CEP85: variants seen among roughly 807,000 people sequenced by gnomAD.
The protein encoded by CEP85 is centrosomal protein 85, also known as centrosomal protein of 85 kDa.
CEP85 carries 58 observed loss-of-function variants against 93.7 expected under a neutral mutation model. The observed-to-expected ratio is 0.62, with a 90% confidence interval of 0.50 to 0.77. The LOEUF (loss-of-function observed/expected upper bound fraction) is 0.77. Among genes scored for constraint, CEP85 ranks in the 30% least tolerant of loss-of-function variants. The pLI, the probability that CEP85 is intolerant of heterozygous loss-of-function variation, is 0.00. For synonymous variants in CEP85, 314 were observed against 338.6 expected (o/e 0.93, Z 0.80); for missense variants, 868 against 922.0 (o/e 0.94, Z 0.76).
rs148974720 is a variant in CEP85 at position 26,255,564 on chromosome 1, C to G, written c.602C>G (p.Pro201Arg). ...ATGATGGAGACACTTTATTCAGATCCTCACCACCGAGTCCGCTTCCACAAC... is the reference window on the plus strand; with the variant it reads ...ATGATGGAGACACTTTATTCAGATCGTCACCACCGAGTCCGCTTCCACAAC... The part of the protein sequence containing the change: ...SAMMETLYSD[P>R]HHRVRFHNPR... Residue 201 changes from proline to arginine, a missense_variant, in exon 4 of 14, where the codon CCT (proline) becomes CGT (arginine). By Grantham distance (103) the Pro-to-Arg change is moderately radical. Transcript: ENST00000451429. 1 of 1,614,020 alleles carries G rather than the reference C, an allele frequency of 6.2e-7. No homozygotes were observed. Among genetic ancestry groups the G allele is most frequent in the African/African-American group, 1.3e-5 (1 of 74,902 alleles).
intron 7 of CEP85, among the ~76,000 whole-genome samples, chr1:26,265,058 A>T (rs1570027083): frequency 1.5e-5 from 2 of 130,458 alleles, no homozygotes; most frequent in Non-Finnish European, 3.1e-5. Flanking sequence ...GATCTTGGCC[A>T]CTGCAGCCTC....
intron 7 of CEP85, among the ~76,000 whole-genome samples, chr1:26,265,638 A>G (rs189497971): frequency 1.3e-5 from 2 of 152,302 alleles, no homozygotes; most frequent in Admixed American, 1.3e-4. Context: ...TTGCCTCCAT[A>G]GTGAGCTGAT....
intron 9 of CEP85, among the ~76,000 whole-genome samples, chr1:26,270,616 G>C (rs2089959975): frequency 6.6e-6 from 1 of 152,224 alleles, no homozygotes; most frequent in South Asian, 2.1e-4. Context: ...AGTCAGAAGT[G>C]GGGTTAGAGG....
chr1:26,255,161 C>T lies in CEP85; in HGVS notation c.209-10C>T, dbSNP rs769645420. 1.2e-6 allele frequency: 2 copies of T among 1,609,048 alleles called. No homozygotes were observed. Among genetic ancestry groups the T allele is most frequent in the East Asian group, 2.2e-5 (1 of 44,796 alleles). On this transcript the variant is annotated splice_polypyrimidine_tract_variant and intron_variant, in intron 3 of 13. Transcript: ENST00000451429. ...CAATTTTTACTTATGGAAGACTATT[C>T]TCTCCCCAGATTTTTGCAGCTCAAG...
chr1:26,267,437 G>T (rs1423155729), intron 7 of CEP85, among the ~76,000 whole-genome samples: 1 of 152,090 alleles, frequency 6.6e-6, no homozygotes, highest in East Asian at 1.9e-4. Context: ...GGTGGCGGGT[G>T]CCTGTAATCC....
chr1:26,259,730 C>T lies in CEP85; in HGVS notation c.1269C>T (p.Val423=). ...EKKLSASEVE[V]QLIRESLKVA... ...AACTCTCTGCTTCTGAAGTTGAAGT[C>T]CAGCTCATCAGAGAGTCGCTCAAAG... is the stretch of plus-strand genomic sequence containing the variant. Residue 423 remains valine (V), a synonymous_variant, in exon 7 of 14, where the codon GTC becomes GTT. Coordinates refer to ENST00000451429, the MANE Select transcript of CEP85 (RefSeq NM_001319944.2). 1 of 1,614,030 alleles carries T rather than the reference C, an allele frequency of 6.2e-7. No homozygotes were observed. Among genetic ancestry groups the T allele is most frequent in the Non-Finnish European group, 8.5e-7 (1 of 1,179,962 alleles).
chr1:26,269,782 C>CT (rs748230113), intron 9 of CEP85, among the ~76,000 whole-genome samples, 168 bp downstream of exon 9: 1,052 of 84,654 alleles, frequency 0.012, 89 homozygotes, highest in Middle Eastern at 0.026. Context: ...TGGGAAGCGG[C>CT]TTTTTTTTTT....
chr1:26,254,542 C>T (rs2089667579), intron 3 of CEP85: 1 of 152,904 alleles, frequency 6.5e-6, no homozygotes, highest in African/African-American at 2.4e-5. Flanking sequence ...AGAGTGAAAC[C>T]TGAGAGTTAC....
chr1:26,270,751 T>C (rs779275842), intron 9 of CEP85, among the ~76,000 whole-genome samples: 8 of 152,210 alleles, frequency 5.3e-5, no homozygotes, highest in Non-Finnish European at 8.8e-5. Context: ...ATTTTTTAAA[T>C]ATCAAAACAA....
chr1:26,272,753 C>G (rs566350639), intron 11 of CEP85, among the ~76,000 whole-genome samples: 1 of 151,654 alleles, frequency 6.6e-6, no homozygotes, highest in East Asian at 1.9e-4. Flanking sequence ...CTCAGCCTCC[C>G]GAGTAGCTGG....
rs2090047780 is a variant in CEP85, at chr1:26,276,004, T to TTCCAGCTTC, written c.1903-524_1903-516dup. ...TTGTTCCAGGGCTGGATCCTCCAGG[T>TTCCAGCTTC]TCCAGCTTCTCCAGCCCCCCACCTA... On this transcript the variant is annotated intron_variant, in intron 12 of 13. Coordinates refer to ENST00000451429, the MANE Select transcript of CEP85 (RefSeq NM_001319944.2). 3.3e-5 allele frequency among the ~76,000 whole-genome samples: 5 copies of TTCCAGCTTC among 152,294 alleles called. No homozygotes were observed. The South Asian group carries it at 1.0e-3, about 32-fold the overall frequency.
intron 7 of CEP85, among the ~76,000 whole-genome samples, chr1:26,267,352 TCA>T (rs2089907586): frequency 6.8e-6 from 1 of 146,874 alleles, no homozygotes; most frequent in Non-Finnish European, 1.5e-5. Flanking sequence ...TCACCTGAAG[TCA>T]GGGGTTCGAG....
At chr1:26,251,440 A>G (rs1205401582) in intron 3 of CEP85, among the ~76,000 whole-genome samples, 2 of 151,528 alleles carry the variant, frequency 1.3e-5, no homozygotes, top group Non-Finnish European at 2.9e-5. Flanking sequence ...TAGTGGAGAC[A>G]GGGTTTCTCC....
intron 3 of CEP85, among the ~76,000 whole-genome samples, chr1:26,246,540 C>T (rs931584578): frequency 5.3e-5 from 8 of 151,986 alleles, no homozygotes; most frequent in African/African-American, 1.9e-4. Context: ...TCGAGACCAG[C>T]CTGGGCAACA....
At chr1:26,253,961 C>T (rs1236681511) in intron 3 of CEP85, among the ~76,000 whole-genome samples, 1 of 151,892 alleles carries the variant, frequency 6.6e-6, no homozygotes, top group Non-Finnish European at 1.5e-5. Context: ...CGCCACTGTG[C>T]TCCAGCCTGG....
chr1:26,247,489 T>C (rs2089528954), intron 3 of CEP85, among the ~76,000 whole-genome samples: 1 of 151,672 alleles, frequency 6.6e-6, no homozygotes, highest in Admixed American at 6.6e-5. Context: ...TCCCAGCTGC[T>C]CCCAAGGCTG....
In CEP85 at chr1:26,244,222, A is replaced by T; in HGVS notation, c.112A>T (p.Ile38Phe). Residue 38 changes from isoleucine to phenylalanine, a missense_variant, in exon 3 of 14, where the codon ATC becomes TTC. Physicochemically the swap from Ile to Phe is conservative, Grantham distance 21. Transcript: ENST00000451429. ...SLGTEWQTPVISEPFRSRFSR... is the reference protein window; with the variant it reads ...SLGTEWQTPVFSEPFRSRFSR... ...GGGGACTGAATGGCAGACCCCAGTT[A>T]TCTCGGAGCCCTTTCGGAGCCGCTT... The T allele has an allele frequency of 6.2e-7, 1 of 1,613,814 alleles. No individual in the cohort carries two copies. The highest frequency in any genetic ancestry group is 8.5e-7 in the Non-Finnish European group (1 of 1,179,986).
chr1:26,269,309 A>G, intron 8 of CEP85, 151 bp from the exon 9 acceptor site: 1 of 680,606 alleles, frequency 1.5e-6, no homozygotes. Flanking sequence ...TCCATCTGCG[A>G]GGAGCACCCT....
chr1:26,276,453 C>A, intron 12 of CEP85, 82 bp from the exon 13 acceptor site: 1 of 1,135,402 alleles, frequency 8.8e-7, no homozygotes, highest in Admixed American at 1.9e-5. Context: ...TCACCCATCC[C>A]TTCCACACCC....
Sources: gnomAD v4.1 joint callset for allele counts (sites outside exome capture counted in the v4.1 genomes callset) on GRCh38, gnomAD v4.1.1 for gene constraint, MANE v1.5 for transcripts, NCBI Gene and HGNC (gene_info 2026-07-23, HGNC 2026-07-21) for gene names.